The following LBP variants were observed in gnomAD, a reference collection of about 807,000 sequenced individuals.
LBP encodes the protein lipopolysaccharide-binding protein.
In LBP, 53 loss-of-function variants were observed where a neutral mutation model predicts 56.6. That is an observed-to-expected ratio of 0.94 (90% CI 0.75 to 1.18). LBP has a LOEUF of 1.18. LBP is among the 50% of genes most tolerant of loss of function. The pLI is 0.00. For missense variants in LBP, 601 were observed against 598.3 expected (o/e 1.00, Z -0.05); for synonymous variants, 227 against 247.5 (o/e 0.92, Z 0.78).
chr20:38,369,372 T>C (rs2076893804), intron 10 of LBP, among the ~76,000 whole-genome samples: 1 of 152,168 alleles, frequency 6.6e-6, no homozygotes, highest in African/African-American at 2.4e-5. Flanking sequence ...CCCATTATCT[T>C]TCTTCTCAGC....
chr20:38,362,916 C>T (rs2076866459), intron 6 of LBP, among the ~76,000 whole-genome samples: 1 of 152,158 alleles, frequency 6.6e-6, no homozygotes, highest in South Asian at 2.1e-4. Context: ...CCACTGCACT[C>T]CAGCCTGGGC....
rs772630780 is a variant in LBP, at chr20:38,369,178, T to C, written c.1149+16T>C. On this transcript the variant is annotated intron_variant, in intron 10 of 14. Transcript: ENST00000217407. Reference sequence around the variant, plus strand: ...GCTCAGTGTGGTAAGGTTCAGAGCCTTTGCAAATGCTGTTTCCTTTTCCCC... The same window carrying C: ...GCTCAGTGTGGTAAGGTTCAGAGCCCTTGCAAATGCTGTTTCCTTTTCCCC... 43 of 1,594,980 alleles carry C rather than the reference T, an allele frequency of 2.7e-5. 1 individual carries two copies. In the South Asian group the frequency reaches 4.8e-4, roughly 18 times the overall value.
At chr20:38,374,123 A>C (rs2122629648) in intron 14 of LBP, 110 bp downstream of exon 14, 2 of 1,148,164 alleles carry the variant, frequency 1.7e-6, no homozygotes, top group South Asian at 2.6e-5. Flanking sequence ...TGCAGCTGGG[A>C]AAGTCTGGCC....
Position 38,360,260 on chromosome 20 carries a change from A to C in LBP, c.589-444A>C, listed in dbSNP as rs1276240320. On this transcript the variant is annotated intron_variant, in intron 5 of 14. Coordinates refer to ENST00000217407, the MANE Select transcript of LBP (RefSeq NM_004139.5). ...GGCCAACAGGGCGAGACTCCATCTC[A>C]AAAAAAAAAAAAAACAAAAAAACTA... Among the ~76,000 whole-genome samples the C allele has an allele frequency of 5.0e-4, 20 of 40,112 alleles. No homozygotes were observed. In the East Asian group the frequency reaches 0.15, roughly 309 times the overall value. The allele number at this position is 40,112 out of a possible 152,430, so 26.3% of individuals were successfully genotyped here.
Position 38,376,716 on chromosome 20 carries a change from G to C in LBP, c.*47G>C, listed in dbSNP as rs2232621. 4.2e-4 allele frequency: 645 copies of C among 1,533,212 alleles called. 12 individuals carry two copies. In the East Asian group the frequency reaches 0.014, roughly 33 times the overall value. 95.0% of individuals were successfully genotyped at this position (1,533,212 alleles called of 1,614,324 possible). ...GAGGTCACAGCTGGATCTGCTTGTTGCATTTCCAGCTGTGCAGCACGTCTC... is the reference window on the plus strand; with the variant it reads ...GAGGTCACAGCTGGATCTGCTTGTTCCATTTCCAGCTGTGCAGCACGTCTC... On this transcript the variant is annotated 3_prime_UTR_variant, in exon 15 of 15. Transcript: ENST00000217407.
chr20:38,363,058 T>TC (rs1403193907), intron 6 of LBP, among the ~76,000 whole-genome samples: 9 of 152,334 alleles, frequency 5.9e-5, no homozygotes, highest in East Asian at 1.9e-4. Flanking sequence ...TGTAGATGTT[T>TC]CCCCATTTAT....
chr20:38,354,204 A>G (rs2076830316), intron 3 of LBP, 80 bp from the exon 4 acceptor site: 2 of 1,256,018 alleles, frequency 1.6e-6, no homozygotes, highest in Admixed American at 4.1e-5. Context: ...GGAGGTCAGA[A>G]CTGAGCCTTC....
chr20:38,351,610 G>A (rs2076820700), intron 3 of LBP, among the ~76,000 whole-genome samples: 1 of 152,212 alleles, frequency 6.6e-6, no homozygotes, highest in Admixed American at 6.5e-5. Context: ...TCTGGAGGCT[G>A]AGGGCCAAGG....
chr20:38,375,764 C>T (rs969932927), intron 14 of LBP, among the ~76,000 whole-genome samples: 8 of 152,066 alleles, frequency 5.3e-5, no homozygotes, highest in African/African-American at 7.2e-5. Flanking sequence ...ACTGGGTTGG[C>T]GGACTCATTA....
chr20:38,365,226 C>A (rs1486433755), intron 8 of LBP, among the ~76,000 whole-genome samples: 8 of 116,336 alleles, frequency 6.9e-5, no homozygotes, highest in Admixed American at 2.6e-4. Context: ...CAGAGTGAGA[C>A]CCTGTCTCAA....
At chr20:38,359,198 G>GT (rs1390429776) in intron 5 of LBP, among the ~76,000 whole-genome samples, 1 of 152,002 alleles carries the variant, frequency 6.6e-6, no homozygotes, top group African/African-American at 2.4e-5. Flanking sequence ...TTTTAGAGGG[G>GT]TTTTTTTGTT....
intron 9 of LBP, 135 bp from the exon 10 acceptor site, chr20:38,368,860 A>G: frequency 1.2e-6 from 1 of 857,602 alleles, no homozygotes; most frequent in Non-Finnish European, 1.8e-6. Flanking sequence ...CCACTAGGAG[A>G]AAAAGGCACA....
intron 1 of LBP, among the ~76,000 whole-genome samples, chr20:38,347,415 C>T (rs1377061159): frequency 6.6e-6 from 1 of 151,842 alleles, no homozygotes; most frequent in South Asian, 2.1e-4. Context: ...TTGGTGGCAG[C>T]CAACTGTAAT....
chr20:38,371,459 C>T, intron 12 of LBP, 137 bp downstream of exon 12: 1 of 642,416 alleles, frequency 1.6e-6, no homozygotes, highest in South Asian at 2.0e-5. Context: ...TGTAAAAGGT[C>T]TCGAAAACAC....
intron 6 of LBP, among the ~76,000 whole-genome samples, chr20:38,361,787 T>C (rs752711496): frequency 7.2e-5 from 11 of 152,154 alleles, no homozygotes; most frequent in Non-Finnish European, 1.5e-4. Flanking sequence ...AAAGAGTTTT[T>C]ACATGCATGT....
rs1161020528 is a variant in LBP, at chr20:38,369,125, C to T, written c.1112C>T (p.Pro371Leu). 6.2e-7 allele frequency: 1 copy of T among 1,614,108 alleles called. No homozygotes were observed. The highest frequency in any genetic ancestry group is 8.5e-7 in the Non-Finnish European group (1 of 1,180,020). ...YMEIDAFVLL[P>L]SSSKEPVFRL... ...GAGATAGATGCCTTTGTGCTCCTGC[C>T]CAGCTCCAGCAAGGAGCCTGTCTTC... Residue 371 changes from proline (P) to leucine (L), a missense_variant, in exon 10 of 15, where the codon CCC becomes CTC. By Grantham distance (98) the Pro-to-Leu change is moderately conservative (BLOSUM62 -3). Coordinates refer to ENST00000217407, the MANE Select transcript of LBP (RefSeq NM_004139.5).
chr20:38,349,594 C>T lies in LBP; in HGVS notation c.171C>T (p.Ile57=). 1 of 1,611,872 alleles carries T rather than the reference C, an allele frequency of 6.2e-7. No homozygotes were observed. Among genetic ancestry groups the T allele is most frequent in the Non-Finnish European group, 8.5e-7 (1 of 1,179,262 alleles). The stretch of plus-strand genomic sequence containing the variant: ...CTCTGCAGAGTGAGCTGCTCAGGAT[C>T]ACGCTGCCTGACTTCACCGGGGACT... ...LLALQSELLR[I]TLPDFTGDLR... is the part of the protein sequence containing the mutation. The change falls in exon 2 of 15, where the codon ATC becomes ATT. Residue 57 remains isoleucine (I), a synonymous_variant. Transcript: ENST00000217407.
chr20:38,371,391 A>G (rs2076900358), intron 12 of LBP, 69 bp downstream of exon 12: 6 of 1,133,080 alleles, frequency 5.3e-6, no homozygotes, highest in African/African-American at 3.1e-5. Context: ...AGCAATTGCT[A>G]TGGCACCTAT....
At chr20:38,363,303 G>A (rs2076868174) in intron 6 of LBP, among the ~76,000 whole-genome samples, 1 of 152,150 alleles carries the variant, frequency 6.6e-6, no homozygotes, top group African/African-American at 2.4e-5. Flanking sequence ...GCCGTGTAGT[G>A]TTCCATCACA....
Sources: gnomAD v4.1 joint callset for allele counts (sites outside exome capture counted in the v4.1 genomes callset) on GRCh38, gnomAD v4.1.1 for gene constraint, MANE v1.5 for transcripts, NCBI Gene and HGNC (gene_info 2026-07-23, HGNC 2026-07-21) for gene names.